Variants in CCDC148 observed in about 807,000 individuals in gnomAD.
CCDC148 encodes the protein coiled-coil domain-containing protein 148.
Under a neutral mutation model 85.7 loss-of-function variants are expected in CCDC148, and 89 were observed. That is an observed-to-expected ratio of 1.04 (90% CI 0.87 to 1.24). The LOEUF (loss-of-function observed/expected upper bound fraction) is 1.24. Ranked by LOEUF, CCDC148 falls within the 50% of genes most tolerant of loss-of-function variation. The pLI is 0.00. For synonymous variants in CCDC148, 230 were observed against 213.9 expected, an observed-to-expected ratio of 1.08 and a Z score of -0.66; for missense variants, 692 against 671.7, an observed-to-expected ratio of 1.03 and a Z score of -0.33.
rs149776109 is a variant in CCDC148 at position 158,172,066 on chromosome 2, G to A, written c.*47C>T. 1.5e-4 allele frequency: 204 copies of A among 1,358,914 alleles called. 2 individuals are homozygous for A. The African/African-American group carries it at 2.0e-3, about 13-fold the overall frequency. The allele number at this position is 1,358,914 out of a possible 1,614,324, so 84.2% of individuals were successfully genotyped here. A position where few individuals can be genotyped will look rare whatever the true frequency, so the allele number is the denominator to read the frequency against. On this transcript the variant is annotated 3_prime_UTR_variant, in exon 14 of 14. Coordinates refer to ENST00000283233, the MANE Select transcript of CCDC148 (RefSeq NM_138803.4). ...AGTAATTATTATTATCCATATACAT[G>A]TTTTCAAAGAAAAATGCTCTTTACA...
Position 158,281,743 on chromosome 2 carries a change from T to C in CCDC148, c.1110+27690A>G, listed in dbSNP as rs371672003. ...TTCCTTCTGAAACAATTCCAATCAATAGAAAAAGAGGGAATCCTCCCTAAC... is the reference window on the plus strand; with the variant it reads ...TTCCTTCTGAAACAATTCCAATCAACAGAAAAAGAGGGAATCCTCCCTAAC... On this transcript the variant is annotated intron_variant, in intron 9 of 13. Coordinates refer to ENST00000283233, the MANE Select transcript of CCDC148 (RefSeq NM_138803.4). Among the ~76,000 whole-genome samples, 17 of 152,014 alleles carry C rather than the reference T, an allele frequency of 1.1e-4. 2 individuals are homozygous for C. Among genetic ancestry groups the C allele is most frequent in the Admixed American group, 7.2e-4 (11 of 15,256 alleles).
chr2:158,330,203 T>C (rs935322011), intron 7 of CCDC148, among the ~76,000 whole-genome samples: 1 of 152,140 alleles, frequency 6.6e-6, no homozygotes, highest in East Asian at 1.9e-4. Context: ...ATTTATTGAG[T>C]GTTTTTAGCA....
chr2:158,283,215 A>G (rs1690426193), intron 9 of CCDC148, among the ~76,000 whole-genome samples: 1 of 152,364 alleles, frequency 6.6e-6, no homozygotes, highest in Non-Finnish European at 1.5e-5. Flanking sequence ...GGACACAGGC[A>G]TGGGCAAGGA....
chr2:158,232,640 A>G (rs1361137542), intron 10 of CCDC148, among the ~76,000 whole-genome samples: 1 of 152,172 alleles, frequency 6.6e-6, no homozygotes, highest in Non-Finnish European at 1.5e-5. Flanking sequence ...ACTTCTGTAC[A>G]TTGTTGTCAG....
intron 1 of CCDC148, among the ~76,000 whole-genome samples, chr2:158,443,921 C>T (rs1367885593): frequency 1.3e-5 from 2 of 152,164 alleles, no homozygotes; most frequent in Non-Finnish European, 2.9e-5. Context: ...TTTTAAAACA[C>T]AGAAGCCATA....
intron 11 of CCDC148, among the ~76,000 whole-genome samples, chr2:158,192,273 A>G (rs1004287777): frequency 6.6e-6 from 1 of 151,990 alleles, no homozygotes; most frequent in Non-Finnish European, 1.5e-5. Flanking sequence ...CTCTCTTTGG[A>G]TATCTCTCTC....
intron 1 of CCDC148, among the ~76,000 whole-genome samples, chr2:158,446,944 T>C (rs987818077): frequency 1.8e-4 from 28 of 152,200 alleles, no homozygotes; most frequent in African/African-American, 6.0e-4. Context: ...GTATCAGTAG[T>C]TCATTATTTT....
At chr2:158,309,755 G>A in intron 8 of CCDC148, 116 bp from the exon 9 acceptor site, 7 of 787,104 alleles carry the variant, frequency 8.9e-6, no homozygotes, top group South Asian at 5.8e-5. Context: ...GAAAAACTGG[G>A]GACAAATATT....
intron 10 of CCDC148, among the ~76,000 whole-genome samples, chr2:158,224,163 G>A (rs1417914794): frequency 3.3e-5 from 5 of 152,152 alleles, no homozygotes; most frequent in Non-Finnish European, 7.4e-5. Context: ...CGAGAACTAC[G>A]TGATGAATGC....
chr2:158,364,893 A>G (rs1254740249), intron 1 of CCDC148, among the ~76,000 whole-genome samples: 1 of 152,224 alleles, frequency 6.6e-6, no homozygotes, highest in Non-Finnish European at 1.5e-5. Context: ...GAATGGGAAA[A>G]AAATTTTGCA....
Position 158,253,164 on chromosome 2 carries a change from G to A in CCDC148, c.1111-2252C>T, listed in dbSNP as rs182302764. Among the ~76,000 whole-genome samples the A allele has an allele frequency of 1.6e-4, 24 of 151,806 alleles. No individual in the cohort carries two copies. The East Asian group carries it at 3.3e-3, about 21-fold the overall frequency. The stretch of plus-strand genomic sequence containing the variant: ...AATTTCCAAACCATTGAGCTTGGTC[G>A]TAGTTCCCTAGTCCATCCAAAGTCT... On this transcript the variant is annotated intron_variant, in intron 9 of 13. Coordinates refer to ENST00000283233, the MANE Select transcript of CCDC148 (RefSeq NM_138803.4).
At chr2:158,420,408 C>G (rs963905980) in intron 1 of CCDC148, among the ~76,000 whole-genome samples, 1 of 152,116 alleles carries the variant, frequency 6.6e-6, no homozygotes, top group Non-Finnish European at 1.5e-5. Context: ...ACTCTACAAG[C>G]CAGAAGAGAG....
At chr2:158,329,151 A>T (rs149281354) in intron 7 of CCDC148, among the ~76,000 whole-genome samples, 27,052 of 152,108 alleles carry the variant, frequency 0.18, 3,118 homozygotes, top group Middle Eastern at 0.26. Flanking sequence ...GTTTTAGGTC[A>T]AACATTTAAG....
chr2:158,282,088 T>A (rs1419627998), intron 9 of CCDC148, among the ~76,000 whole-genome samples: 2 of 151,596 alleles, frequency 1.3e-5, no homozygotes, highest in African/African-American at 2.4e-5. Flanking sequence ...CGCTTCATGC[T>A]AAAAACTCTC....
chr2:158,412,720 T>C lies in CCDC148; in HGVS notation c.25+43695A>G, dbSNP rs529193313. ...AATTTTAACAATTTTAACATAGCAA[T>C]TATCCACTTAAGGCTAGGTTTGTTA... On this transcript the variant is annotated intron_variant, in intron 1 of 13. Coordinates refer to ENST00000283233, the MANE Select transcript of CCDC148 (RefSeq NM_138803.4). Among the ~76,000 whole-genome samples the C allele has an allele frequency of 2.0e-5, 3 of 152,000 alleles. No homozygotes were observed. In the East Asian group the frequency reaches 5.8e-4, roughly 29 times the overall value.
intron 9 of CCDC148, among the ~76,000 whole-genome samples, chr2:158,251,187 C>G (rs1410595195): frequency 6.6e-6 from 1 of 151,778 alleles, no homozygotes; most frequent in African/African-American, 2.4e-5. Context: ...TCCAAAGAAT[C>G]TGTGTATTCT....
intron 9 of CCDC148, among the ~76,000 whole-genome samples, chr2:158,284,616 T>G (rs1322617040): frequency 6.6e-6 from 1 of 152,136 alleles, no homozygotes; most frequent in Non-Finnish European, 1.5e-5. Flanking sequence ...CTGGAGCAAT[T>G]AAAAAGGCTT....
chr2:158,226,748 T>C (rs577542410), intron 10 of CCDC148, among the ~76,000 whole-genome samples: 4,018 of 152,142 alleles, frequency 0.026, 69 homozygotes, highest in Middle Eastern at 0.041. Flanking sequence ...TTTGACAAAA[T>C]TCAACAGCCC....
chr2:158,333,214 A>G (rs1217337524), intron 7 of CCDC148, among the ~76,000 whole-genome samples: 1 of 152,062 alleles, frequency 6.6e-6, no homozygotes, highest in Non-Finnish European at 1.5e-5. Context: ...TATTCTGGTA[A>G]ATTGTGTCTT....
Sources: allele counts gnomAD v4.1 joint callset (sites outside exome capture counted in the v4.1 genomes callset), GRCh38; gene constraint gnomAD v4.1.1; transcripts MANE v1.5; gene names NCBI Gene and HGNC (gene_info 2026-07-23, HGNC 2026-07-21).